Variants in RIMS1 observed in about 807,000 individuals in gnomAD.
RIMS1 encodes the protein regulating synaptic membrane exocytosis protein 1.
Under a neutral mutation model 214.1 loss-of-function variants are expected in RIMS1, and 83 were observed. That is an observed-to-expected ratio of 0.39 (90% confidence interval 0.32 to 0.47). The LOEUF (loss-of-function observed/expected upper bound fraction) is 0.47. RIMS1 is among the 20% of genes least tolerant of loss of function. The pLI is 0.99. For missense variants in RIMS1, 2,050 were observed against 2,161.8 expected, an observed-to-expected ratio of 0.95 and a Z score of 1.03; for synonymous variants, 793 against 786.8, an observed-to-expected ratio of 1.01 and a Z score of -0.13.
chr6:72,072,243 T>A (rs1830739075), intron 2 of RIMS1, among the ~76,000 whole-genome samples: 1 of 152,236 alleles, frequency 6.6e-6, no homozygotes, highest in African/African-American at 2.4e-5. Flanking sequence ...TATTTTAATA[T>A]TCATTGAGCA....
At chr6:72,167,201 T>C (rs1359348761) in intron 4 of RIMS1, among the ~76,000 whole-genome samples, 1 of 151,814 alleles carries the variant, frequency 6.6e-6, no homozygotes, top group Non-Finnish European at 1.5e-5. Context: ...CATACACATA[T>C]ATTTTATATA....
chr6:72,189,359 G>T (rs2049677916), intron 6 of RIMS1, among the ~76,000 whole-genome samples: 1 of 152,152 alleles, frequency 6.6e-6, no homozygotes, highest in Admixed American at 6.5e-5. Flanking sequence ...ATGAGCATGA[G>T]CCCACTGCTG....
chr6:72,235,623 T>G lies in RIMS1; in HGVS notation c.1752T>G (p.Pro584=), dbSNP rs377366785. ...ACTCATTCATGTTTTAACAGCATCC[T>G]GTAACGTGGCAACCATCTAAAGAGG... ...SRETSPISSH[P]VTWQPSKEGD... is the part of the protein sequence containing the mutation. The change falls in exon 8 of 34, where the codon CCT becomes CCG. Residue 584 remains proline, a synonymous_variant. Coordinates refer to ENST00000521978, the MANE Select transcript of RIMS1 (RefSeq NM_014989.7). The G allele has an allele frequency of 6.2e-7, 1 of 1,605,734 alleles. No individual in the cohort carries two copies.
At chr6:72,326,262 G>T (rs1053012160) in intron 28 of RIMS1, among the ~76,000 whole-genome samples, 1 of 151,656 alleles carries the variant, frequency 6.6e-6, no homozygotes, top group Non-Finnish European at 1.5e-5. Context: ...ATAGCCCCTC[G>T]TGTCTTCTGA....
At chr6:72,295,162 C>T (rs545866386) in intron 26 of RIMS1, among the ~76,000 whole-genome samples, 1 of 151,694 alleles carries the variant, frequency 6.6e-6, no homozygotes, top group Admixed American at 6.6e-5. Flanking sequence ...TTATATCTTC[C>T]ATTATTATAT....
At chr6:72,258,614 T>C (rs778429248) in intron 17 of RIMS1, among the ~76,000 whole-genome samples, 4 of 152,188 alleles carry the variant, frequency 2.6e-5, no homozygotes, top group African/African-American at 4.8e-5. Flanking sequence ...AGGATAAGGT[T>C]AAGAGACAGA....
chr6:72,230,520 A>G (rs542821233), intron 6 of RIMS1, among the ~76,000 whole-genome samples: 14 of 151,644 alleles, frequency 9.2e-5, no homozygotes, highest in Admixed American at 6.6e-4. Context: ...GTGCCTGTAT[A>G]TTATTTTGAA....
chr6:71,959,406 C>T (rs1226024924), intron 1 of RIMS1, among the ~76,000 whole-genome samples: 1 of 152,064 alleles, frequency 6.6e-6, no homozygotes, highest in Non-Finnish European at 1.5e-5. Flanking sequence ...ATTGGGCTCC[C>T]AGATGAGGGA....
rs557790786 is a variant in RIMS1, at chr6:72,305,004, G to A, written c.3851-2254G>A. Among the ~76,000 whole-genome samples, 11 of 151,876 alleles carry A rather than the reference G, an allele frequency of 7.2e-5. No homozygotes were observed. The South Asian group carries it at 2.3e-3, about 31-fold the overall frequency. ...AATAAGGTCAGTTTTAACTTCATTG[G>A]GAGTAAATATAGTATAGTAATGATT... On this transcript the variant is annotated intron_variant, in intron 26 of 33. Transcript: ENST00000521978.
chr6:72,089,811 C>G (rs554955972), intron 2 of RIMS1, among the ~76,000 whole-genome samples: 2 of 144,458 alleles, frequency 1.4e-5, no homozygotes, highest in Non-Finnish European at 1.5e-5. Context: ...AAATGTGGCA[C>G]ATATACACCA....
chr6:71,886,918 G>A lies in RIMS1; in HGVS notation c.-106G>A. The A allele has an allele frequency of 8.1e-6, 11 of 1,365,224 alleles. No homozygotes were observed. The highest frequency in any genetic ancestry group is 1.1e-5 in the Non-Finnish European group (11 of 997,420). The allele number at this position is 1,365,224 out of a possible 1,614,324, so 84.6% of individuals were successfully genotyped here. A position where few individuals can be genotyped will look rare whatever the true frequency, so the allele number is the denominator to read the frequency against. ...CGCCGCTGCTCCTCCTCCTGCCGCC[G>A]CCGCTAGGGCTCCGCTGTGAGGGGG... On this transcript the variant is annotated 5_prime_UTR_variant, in exon 1 of 34. Transcript: ENST00000521978.
chr6:72,118,700 A>G (rs973399556), intron 4 of RIMS1, among the ~76,000 whole-genome samples: 2 of 151,874 alleles, frequency 1.3e-5, no homozygotes, highest in African/African-American at 2.4e-5. Flanking sequence ...GATACATCAC[A>G]TATACAGAAG....
intron 24 of RIMS1, among the ~76,000 whole-genome samples, chr6:72,287,209 T>G (rs2092493642): frequency 6.6e-6 from 1 of 152,214 alleles, no homozygotes; most frequent in Non-Finnish European, 1.5e-5. Flanking sequence ...ATATGCATTT[T>G]ATGGTGTGTT....
chr6:71,997,792 A>G (rs1803922440), intron 2 of RIMS1, among the ~76,000 whole-genome samples: 2 of 152,158 alleles, frequency 1.3e-5, no homozygotes, highest in Non-Finnish European at 2.9e-5. Flanking sequence ...AAAATGCTAA[A>G]TGAAGTTGAT....
At chr6:72,390,793 G>A in intron 30 of RIMS1, 57 bp downstream of exon 30, 1 of 1,577,370 alleles carries the variant, frequency 6.3e-7, no homozygotes, top group Non-Finnish European at 8.6e-7. Context: ...GTACTAATCA[G>A]TAAGATAACA....
chr6:71,968,135 A>G (rs889972717), intron 1 of RIMS1, among the ~76,000 whole-genome samples: 1 of 152,220 alleles, frequency 6.6e-6, no homozygotes, highest in Non-Finnish European at 1.5e-5. Flanking sequence ...AGCCTTCTCT[A>G]TTCAAAGCCA....
chr6:71,908,344 C>T (rs768313142), intron 1 of RIMS1, among the ~76,000 whole-genome samples: 5 of 152,100 alleles, frequency 3.3e-5, no homozygotes, highest in African/African-American at 7.2e-5. Context: ...CAGTCATTTC[C>T]GGAGAGGAGT....
At chr6:72,313,458 T>C in intron 27 of RIMS1, 48 bp from the exon 28 acceptor site, 1 of 1,562,530 alleles carries the variant, frequency 6.4e-7, no homozygotes, top group Non-Finnish European at 8.8e-7. Flanking sequence ...CTATGTTTTT[T>C]CCATTGTCTA....
intron 27 of RIMS1, among the ~76,000 whole-genome samples, chr6:72,312,961 T>A (rs1370092783): frequency 2.0e-5 from 3 of 152,166 alleles, no homozygotes; most frequent in Admixed American, 2.0e-4. Context: ...TGGTATATTT[T>A]TTCTATATAC....
Sources: allele counts gnomAD v4.1 joint callset (sites outside exome capture counted in the v4.1 genomes callset), GRCh38; gene constraint gnomAD v4.1.1; transcripts MANE v1.5; gene names NCBI Gene and HGNC (gene_info 2026-07-23, HGNC 2026-07-21).